Variants in SHISA9 observed in about 807,000 individuals in gnomAD.
SHISA9 encodes protein shisa-9.
SHISA9 carries 13 observed loss-of-function variants against 38.0 expected under a neutral mutation model. The ratio of observed to expected loss-of-function variants is 0.34; its 90% confidence interval spans 0.22 to 0.54. The LOEUF is 0.54. Among genes scored for constraint, SHISA9 ranks in the 20% least tolerant of loss-of-function variants. The pLI, the probability that SHISA9 is intolerant of heterozygous loss-of-function variation, is 0.91. For synonymous variants in SHISA9, 275 were observed against 242.0 expected (o/e 1.14, Z -1.27); for missense variants, 538 against 575.8 (o/e 0.93, Z 0.67).
chr16:12,938,019 G>T (rs1947026120), intron 2 of SHISA9, among the ~76,000 whole-genome samples: 1 of 152,222 alleles, frequency 6.6e-6, no homozygotes, highest in African/African-American at 2.4e-5. Context: ...CCCTTGAGGA[G>T]CATACAGAGA....
At chr16:13,222,041 A>G (rs971255315) in intron 4 of SHISA9, among the ~76,000 whole-genome samples, 2 of 152,206 alleles carry the variant, frequency 1.3e-5, no homozygotes, top group Non-Finnish European at 2.9e-5. Context: ...AAGGGGAAGC[A>G]AAACACGTCT....
chr16:13,318,244 T>C, the SHISA9 span, among the ~76,000 whole-genome samples: 26 of 152,208 alleles, frequency 1.7e-4, no homozygotes, highest in Non-Finnish European at 2.9e-4. Flanking sequence ...GTAGGATGTT[T>C]AGAACATCCC....
intron 2 of SHISA9, among the ~76,000 whole-genome samples, chr16:12,917,795 A>C (rs1307669329): frequency 6.6e-6 from 1 of 152,186 alleles, no homozygotes; most frequent in Non-Finnish European, 1.5e-5. Flanking sequence ...AATTCTAATG[A>C]TGCACATTTT....
At chr16:13,439,048 T>C in the SHISA9 span, among the ~76,000 whole-genome samples, 2 of 152,102 alleles carry the variant, frequency 1.3e-5, no homozygotes, top group African/African-American at 4.8e-5. Flanking sequence ...CTAAGTGAAA[T>C]CAACCAGACA....
At chr16:13,148,701 A>ACG (rs1458605656) in intron 2 of SHISA9, among the ~76,000 whole-genome samples, 2 of 133,240 alleles carry the variant, frequency 1.5e-5, no homozygotes, top group African/African-American at 3.3e-5. Flanking sequence ...ACACACACAC[A>ACG]CACACACACA....
At chr16:13,304,754 G>C in the SHISA9 span, among the ~76,000 whole-genome samples, 1 of 152,168 alleles carries the variant, frequency 6.6e-6, no homozygotes, top group Non-Finnish European at 1.5e-5. Context: ...TTCGTAGTGA[G>C]GTTAAGCAAC....
chr16:13,321,981 A>T, the SHISA9 span, among the ~76,000 whole-genome samples: 1 of 152,220 alleles, frequency 6.6e-6, no homozygotes, highest in African/African-American at 2.4e-5. Flanking sequence ...TAGGTGCTCA[A>T]CAAGTGCTCA....
At chr16:13,057,327 A>T (rs1040998783) in intron 2 of SHISA9, among the ~76,000 whole-genome samples, 1 of 152,206 alleles carries the variant, frequency 6.6e-6, no homozygotes, top group African/African-American at 2.4e-5. Flanking sequence ...TTAGGATCCA[A>T]CAAGCTTAGA....
chr16:13,553,933 A>G, the SHISA9 span, among the ~76,000 whole-genome samples: 1 of 152,158 alleles, frequency 6.6e-6, no homozygotes, highest in African/African-American at 2.4e-5. Flanking sequence ...CCCAAAATAA[A>G]CCAGTCACGG....
chr16:13,288,556 GA>G, the SHISA9 span, among the ~76,000 whole-genome samples: 1 of 152,152 alleles, frequency 6.6e-6, no homozygotes, highest in Non-Finnish European at 1.5e-5. Flanking sequence ...AGCATTTTGG[GA>G]GGCTGAGGCA....
At chr16:12,931,533 G>A (rs927361992) in intron 2 of SHISA9, among the ~76,000 whole-genome samples, 3 of 152,198 alleles carry the variant, frequency 2.0e-5, no homozygotes, top group Non-Finnish European at 4.4e-5. Context: ...GTGAGAACAT[G>A]TGGTATTTGG....
chr16:12,928,839 C>T (rs1303322712), intron 2 of SHISA9, among the ~76,000 whole-genome samples: 1 of 152,186 alleles, frequency 6.6e-6, no homozygotes, highest in Admixed American at 6.5e-5. Context: ...CAAAGAATGT[C>T]ATCAAACAAT....
chr16:13,054,850 G>T (rs746209125), intron 2 of SHISA9, among the ~76,000 whole-genome samples: 4 of 152,210 alleles, frequency 2.6e-5, no homozygotes, highest in East Asian at 3.9e-4. Flanking sequence ...AAATTTCCAC[G>T]CTGTCTCCTG....
rs915863109 is a variant in SHISA9, at chr16:13,201,570, A to G, written c.692-1824A>G. On this transcript the variant is annotated intron_variant, in intron 2 of 4. Transcript: ENST00000558583. ...TCATGCTACAAAGGCAGAGTTGAATAGTCAAAGCAGAGACTGATGGCCTAT... is the reference window on the plus strand; with the variant it reads ...TCATGCTACAAAGGCAGAGTTGAATGGTCAAAGCAGAGACTGATGGCCTAT... Among the ~76,000 whole-genome samples, 15 of 134,286 alleles carry G rather than the reference A, an allele frequency of 1.1e-4. 2 individuals are homozygous for G. Among genetic ancestry groups the G allele is most frequent in the African/African-American group, 4.4e-4 (15 of 33,966 alleles). The allele number at this position is 134,286 out of a possible 152,430, so 88.1% of individuals were successfully genotyped here.
chr16:12,912,719 C>G (rs192122227), intron 1 of SHISA9, among the ~76,000 whole-genome samples: 3 of 152,140 alleles, frequency 2.0e-5, no homozygotes, highest in Non-Finnish European at 2.9e-5. Context: ...ATTTCAAAGA[C>G]GTTCAGGATT....
chr16:13,108,540 C>T (rs2073948293), intron 2 of SHISA9, among the ~76,000 whole-genome samples: 1 of 152,074 alleles, frequency 6.6e-6, no homozygotes, highest in South Asian at 2.1e-4. Context: ...ACTGGGATTA[C>T]AAGCCTAAAC....
chr16:13,555,443 TG>T, the SHISA9 span, among the ~76,000 whole-genome samples: 3 of 152,222 alleles, frequency 2.0e-5, no homozygotes, highest in Non-Finnish European at 4.4e-5. Flanking sequence ...TGAGAACATT[TG>T]GTAGTTCCTT....
At chr16:13,351,563 C>T in the SHISA9 span, among the ~76,000 whole-genome samples, 2 of 152,150 alleles carry the variant, frequency 1.3e-5, no homozygotes, top group Admixed American at 6.5e-5. Flanking sequence ...TCCTCCCAGG[C>T]TGTGATGAAT....
chr16:13,324,144 A>G, the SHISA9 span, among the ~76,000 whole-genome samples: 1 of 152,216 alleles, frequency 6.6e-6, no homozygotes, highest in African/African-American at 2.4e-5. Flanking sequence ...CCAGAAGCAG[A>G]TGCTGGTGCT....
Sources: allele counts gnomAD v4.1 joint callset (sites outside exome capture counted in the v4.1 genomes callset), GRCh38; gene constraint gnomAD v4.1.1; transcripts MANE v1.5; gene names NCBI Gene and HGNC (gene_info 2026-07-23, HGNC 2026-07-21).